The following UBR4 variants were observed in gnomAD, a reference collection of about 807,000 sequenced individuals.
The protein encoded by UBR4 is ubiquitin protein ligase E3 component n-recognin 4, also known as E3 ubiquitin-protein ligase UBR4.
In UBR4, 124 loss-of-function variants were observed where a neutral mutation model predicts 575.6. The ratio of observed to expected loss-of-function variants is 0.22; its 90% confidence interval spans 0.19 to 0.25. The LOEUF is 0.25. Among genes scored for constraint, UBR4 ranks in the 10% least tolerant of loss-of-function variants. UBR4 has a pLI of 1.00. For missense variants in UBR4, 4,818 were observed against 6,478.8 expected (o/e 0.74, Z 8.80); for synonymous variants, 2,455 against 2,473.7 (o/e 0.99, Z 0.22).
At chr1:19,138,301 G>A in intron 59 of UBR4, 120 bp from the exon 60 acceptor site, 2 of 1,114,046 alleles carry the variant, frequency 1.8e-6, no homozygotes, top group Non-Finnish European at 1.2e-6. Context: ...ATAACTGGTA[G>A]CATTTTTGTC....
intron 87 of UBR4, among the ~76,000 whole-genome samples, chr1:19,102,226 G>A (rs534211488): frequency 1.4e-4 from 21 of 152,278 alleles, no homozygotes; most frequent in South Asian, 8.3e-4. Context: ...TTAGCTGGGC[G>A]TGGTGGCACA....
chr1:19,201,754 G>C lies in UBR4; in HGVS notation c.238C>G (p.Leu80Val). 6.2e-7 allele frequency: 1 copy of C among 1,614,126 alleles called. No homozygotes were observed. The highest frequency in any genetic ancestry group is 1.1e-5 in the South Asian group (1 of 91,080). Reference protein sequence around the residue: ...YEPFYSSFVALSTHYITTVCS... With the variant: ...YEPFYSSFVAVSTHYITTVCS... ...ACTGTTGTAATATAGTGTGTGGAAA[G>C]TGCAACAAAAGATGAGTAGAATGGC... Residue 80 changes from leucine (L) to valine (V), a missense_variant, in exon 2 of 106, where the codon CTT (leucine) becomes GTT (valine). By Grantham distance (32) the Leu-to-Val change is conservative. Transcript: ENST00000375254.
Position 19,197,314 on chromosome 1 carries a change from TATA to T in UBR4, c.894-52_894-50del, listed in dbSNP as rs758400514. The T allele has an allele frequency of 1.7e-5, 28 of 1,611,540 alleles. No homozygotes were observed. In the East Asian group the frequency reaches 6.0e-4, roughly 35 times the overall value. ...AGTGTCTCTTAGAATCATTCACTTCTATAATGTGACAGTTAAAGAAATTATCAG... is the reference window on the plus strand; with the variant it reads ...AGTGTCTCTTAGAATCATTCACTTCTATGTGACAGTTAAAGAAATTATCAG... On this transcript the variant is annotated intron_variant, in intron 7 of 105. Coordinates refer to ENST00000375254, the MANE Select transcript of UBR4 (RefSeq NM_020765.3).
chr1:19,075,550 G>A (rs1231505444), intron 105 of UBR4: 3 of 157,498 alleles, frequency 1.9e-5, no homozygotes, highest in Non-Finnish European at 2.8e-5. Context: ...AAGAGGTGGT[G>A]GAGTTAACAA....
chr1:19,147,718 C>A (rs529779355), intron 51 of UBR4, among the ~76,000 whole-genome samples: 2 of 150,110 alleles, frequency 1.3e-5, no homozygotes, highest in East Asian at 3.9e-4. Flanking sequence ...AGAAGGCTAC[C>A]CACGCTCAAT....
chr1:19,080,602 G>C (rs1426610617), intron 103 of UBR4: 1 of 152,170 alleles, frequency 6.6e-6, no homozygotes, highest in Non-Finnish European at 1.5e-5. Context: ...TCACTCGAGG[G>C]ACAGAAGCAA....
At chr1:19,174,883 C>T in intron 21 of UBR4, 71 bp downstream of exon 21, 1 of 1,410,150 alleles carries the variant, frequency 7.1e-7, no homozygotes, top group Non-Finnish European at 9.9e-7. Context: ...ATTCCCTTTC[C>T]CCCCAGTAGG....
At chr1:19,087,209 G>A (rs2077101943) in intron 99 of UBR4, among the ~76,000 whole-genome samples, 1 of 152,256 alleles carries the variant, frequency 6.6e-6, no homozygotes, top group South Asian at 2.1e-4. Flanking sequence ...CATTACGCAG[G>A]ACTAACGAGC....
At position 19,101,452 on chromosome 1, in the gene UBR4, C is replaced by G. The variant is rs987125399; in HGVS notation, c.13023+68G>C. The G allele has an allele frequency of 3.3e-6, 5 of 1,535,388 alleles. No individual in the cohort carries two copies. In the African/African-American group the frequency reaches 6.8e-5, roughly 21 times the overall value. On this transcript the variant is annotated intron_variant, in intron 88 of 105. Transcript: ENST00000375254. ...ATTCCCCATAACTTTAATGAATCAC[C>G]AAGAGGCTTCATGGCAAAGTGGGCT...
Position 19,137,913 on chromosome 1 carries a change from T to C in UBR4, c.8906+94A>G. On this transcript the variant is annotated intron_variant, in intron 60 of 105. Coordinates refer to ENST00000375254, the MANE Select transcript of UBR4 (RefSeq NM_020765.3). ...ATATTTCAAAAGAAATATGCTGTTA[T>C]CACTACTCTACCTCCTGCAATTGAT... is the stretch of plus-strand genomic sequence containing the variant. 7.9e-6 allele frequency: 10 copies of C among 1,266,648 alleles called. No homozygotes were observed. In the Middle Eastern group the frequency reaches 8.2e-4, roughly 103 times the overall value. The allele number at this position is 1,266,648 out of a possible 1,614,324, so 78.5% of individuals were successfully genotyped here. A position where few individuals can be genotyped will look rare whatever the true frequency, so the allele number is the denominator to read the frequency against.
chr1:19,162,385 T>C, intron 35 of UBR4, 35 bp downstream of exon 35: 3 of 1,589,606 alleles, frequency 1.9e-6, no homozygotes, highest in Non-Finnish European at 2.6e-6. Flanking sequence ...AGTCATTACC[T>C]TGAGAGGTTA....
In UBR4 at chr1:19,198,620, T is replaced by C. The variant is rs768486192; in HGVS notation, c.569A>G (p.Gln190Arg). The change falls in exon 5 of 106, where the codon CAG becomes CGG. Residue 190 changes from glutamine to arginine, a missense_variant. Gln to Arg is a conservative substitution (Grantham distance 43). Around this residue, in one of 29 missense-constraint regions of UBR4, gnomAD observed 83 missense variants for 77.3 expected, o/e 1.07. Coordinates refer to ENST00000375254, the MANE Select transcript of UBR4 (RefSeq NM_020765.3). ...GGTCAGCTGGTTCAAAAAATTCATCTGTACCTCCTTTTGCCTCAACTCAGG... is the reference window on the plus strand; with the variant it reads ...GGTCAGCTGGTTCAAAAAATTCATCCGTACCTCCTTTTGCCTCAACTCAGG... ...VSPELRQKEVQMNFLNQLTSV... is the reference protein window; with the variant it reads ...VSPELRQKEVRMNFLNQLTSV... 1 of 1,614,220 alleles carries C rather than the reference T, an allele frequency of 6.2e-7. No individual in the cohort carries two copies. Among genetic ancestry groups the C allele is most frequent in the East Asian group, 2.2e-5 (1 of 44,888 alleles).
intron 12 of UBR4, 36 bp downstream of exon 12, chr1:19,187,405 T>C (rs2091652588): frequency 1.2e-6 from 2 of 1,612,974 alleles, no homozygotes; most frequent in Admixed American, 1.7e-5. Flanking sequence ...GATCCCGCAA[T>C]CAATATGCTG....
At chr1:19,147,865 ATG>A in intron 51 of UBR4, 126 bp downstream of exon 51, 1 of 1,379,458 alleles carries the variant, frequency 7.2e-7, no homozygotes. Context: ...ACTCTGTAAA[ATG>A]TAGGTCTAAT....
Position 19,165,335 on chromosome 1 carries a change from T to C in UBR4, c.4226A>G (p.Gln1409Arg), listed in dbSNP as rs2088152889. ...CTCATTGGCTGTTGCCATCATGATC[T>C]GTACAAGTTCTCCACTGGGAGGCAA... ...EFFSDSGELV[Q>R]IMMATANENL... Residue 1409 changes from glutamine (Q) to arginine (R), a missense_variant, in exon 31 of 106, where the codon CAG (glutamine) becomes CGG (arginine). Transcript: ENST00000375254. The C allele has an allele frequency of 1.9e-6, 3 of 1,613,946 alleles. No homozygotes were observed. The highest frequency in any genetic ancestry group is 2.2e-5 in the South Asian group (2 of 91,062).
chr1:19,147,606 C>T (rs1019101507), intron 51 of UBR4, among the ~76,000 whole-genome samples: 9 of 152,204 alleles, frequency 5.9e-5, no homozygotes, highest in Non-Finnish European at 1.2e-4. Flanking sequence ...CTTGTCTCAC[C>T]AACAAGTACA....
At position 19,074,814 on chromosome 1, in the gene UBR4, G is replaced by A. The variant is rs561434095; in HGVS notation, c.*18C>T. The A allele has an allele frequency of 1.5e-5, 25 of 1,613,718 alleles. 1 individual carries two copies. Among genetic ancestry groups the A allele is most frequent in the Middle Eastern group, 1.6e-4 (1 of 6,062 alleles). On this transcript the variant is annotated 3_prime_UTR_variant, in exon 106 of 106. Transcript: ENST00000375254. ...GCAAGCCAGCTTCGTCTTCGCCGCC[G>A]CAGCTGCTGTGTGGTGGTCAGGGGA...
In UBR4 at chr1:19,167,164, T is replaced by C. The variant is rs2088640434; in HGVS notation, c.3967A>G (p.Thr1323Ala). Residue 1323 changes from threonine (T) to alanine (A), a missense_variant, in exon 29 of 106, where the codon ACT becomes GCT. Coordinates refer to ENST00000375254, the MANE Select transcript of UBR4 (RefSeq NM_020765.3). ...CTACTGATCTCGGCAACACTCTCAG[T>C]GCTTGATTCCAAAAGAAGAGGTAGC... is the stretch of plus-strand genomic sequence containing the variant. ...TLLPLLLESS[T>A]ESVAEISSNS... 1 of 1,614,200 alleles carries C rather than the reference T, an allele frequency of 6.2e-7. No individual in the cohort carries two copies. The highest frequency in any genetic ancestry group is 8.5e-7 in the Non-Finnish European group (1 of 1,180,038).
At chr1:19,118,584 C>T (rs2080844298) in intron 71 of UBR4, 1 of 339,620 alleles carries the variant, frequency 2.9e-6, no homozygotes, top group South Asian at 4.9e-5. Flanking sequence ...CCACGCCTGG[C>T]TAACTTTTTT....
Sources: allele counts gnomAD v4.1 joint callset (sites outside exome capture counted in the v4.1 genomes callset), GRCh38; gene constraint gnomAD v4.1.1; regional missense constraint gnomAD v4.1.1; transcripts MANE v1.5; gene names NCBI Gene and HGNC (gene_info 2026-07-23, HGNC 2026-07-21).